Variants in NTMT1 observed in about 807,000 individuals in gnomAD.
NTMT1 encodes N-terminal RCC1 methyltransferase.
Under a neutral mutation model 17.5 loss-of-function variants are expected in NTMT1, and 8 were observed. The ratio of observed to expected loss-of-function variants is 0.46; its 90% CI spans 0.27 to 0.82. NTMT1 has a LOEUF of 0.82. Among genes scored for constraint, NTMT1 ranks in the 40% least tolerant of loss-of-function variants. The pLI is 0.15. For synonymous variants in NTMT1, 128 were observed against 126.8 expected, an observed-to-expected ratio of 1.01 and a Z score of -0.06; for missense variants, 221 against 303.5, an observed-to-expected ratio of 0.73 and a Z score of 2.02.
intron 1 of NTMT1, among the ~76,000 whole-genome samples, chr9:129,619,149 T>G (rs1830544744): frequency 6.6e-6 from 1 of 151,996 alleles, no homozygotes; most frequent in African/African-American, 2.4e-5. Context: ...CATGATAGAT[T>G]AATGGGTGGA....
chr9:129,635,597 T>C lies in NTMT1; in HGVS notation c.*133T>C. 1 of 1,116,664 alleles carries C rather than the reference T, an allele frequency of 9.0e-7. No individual in the cohort carries two copies. 69.2% of individuals were successfully genotyped at this position (1,116,664 alleles called of 1,614,324 possible). A position where few individuals can be genotyped will look rare whatever the true frequency, so the allele number is the denominator to read the frequency against. On this transcript the variant is annotated 3_prime_UTR_variant, in exon 4 of 4. Coordinates refer to ENST00000372483, the MANE Select transcript of NTMT1 (RefSeq NM_014064.4). ...CTAAATATAGCTGTCTGCCGTCCACTCATTATGCGGGCTCTTCTTCAAAAG... is the reference window on the plus strand; with the variant it reads ...CTAAATATAGCTGTCTGCCGTCCACCCATTATGCGGGCTCTTCTTCAAAAG...
Position 129,626,268 on chromosome 9 carries a change from C to T in NTMT1, c.-82C>T, listed in dbSNP as rs1220511946. ...CTCCCTTCCTCTTCCCCATCTTCTT[C>T]TCTCGGTCCCGGGAGCCCCCGCCCG... On this transcript the variant is annotated 5_prime_UTR_variant, in exon 1 of 4. Transcript: ENST00000372483. 1 of 152,248 alleles carries T rather than the reference C, an allele frequency of 6.6e-6. No individual in the cohort carries two copies. Among genetic ancestry groups the T allele is most frequent in the East Asian group, 1.9e-4 (1 of 5,170 alleles). 9.4% of individuals were successfully genotyped at this position (152,248 alleles called of 1,614,324 possible).
intron 2 of NTMT1, chr9:129,633,113 A>C (rs879669392): frequency 5.8e-6 from 3 of 515,252 alleles, no homozygotes; most frequent in African/African-American, 1.9e-5. Context: ...TGAATTGGGC[A>C]AACCTCTCTT....
chr9:129,625,076 T>A (rs1830847020), upstream of NTMT1, among the ~76,000 whole-genome samples: 5 of 152,220 alleles, frequency 3.3e-5, no homozygotes, highest in Admixed American at 6.5e-5. Flanking sequence ...TCTCAGAGCA[T>A]CAGAAGTTGA....
At chr9:129,623,950 C>T (rs1416207194), upstream of NTMT1, among the ~76,000 whole-genome samples, 6 of 151,538 alleles carry the variant, frequency 4.0e-5, no homozygotes, top group East Asian at 1.9e-4. Flanking sequence ...CCCACCACCA[C>T]GCCCGGCTAA....
Position 129,620,703 on chromosome 9 carries a change from C to T in NTMT1, c.-55+11525C>T, listed in dbSNP as rs868287495. 8.5e-6 allele frequency: 7 copies of T among 824,292 alleles called. No individual in the cohort carries two copies. The highest frequency in any genetic ancestry group is 7.1e-5 in the African/African-American group (4 of 56,334). 51.1% of individuals were successfully genotyped at this position (824,292 alleles called of 1,614,324 possible). On this transcript the variant is annotated intron_variant, in intron 1 of 3. Transcript: ENST00000372486. This position sits in a 1 kb window ranked among gnomAD's most constrained non-coding sequence, Gnocchi z 5.8. The stretch of plus-strand genomic sequence containing the variant: ...GCGGGGCAGCGCGGTGCGGGGTGAA[C>T]GCCACCGGCCCGGCGGACAGCGAGT...
chr9:129,621,565 T>C (rs945599670), upstream of NTMT1, among the ~76,000 whole-genome samples: 9 of 152,176 alleles, frequency 5.9e-5, no homozygotes, highest in Non-Finnish European at 1.3e-4. Flanking sequence ...TTTTTTTGTA[T>C]TTATGTTGCA....
At chr9:129,623,774 T>TTA (rs398113918), upstream of NTMT1, among the ~76,000 whole-genome samples, 3 of 151,154 alleles carry the variant, frequency 2.0e-5, no homozygotes, top group Admixed American at 2.0e-4. Flanking sequence ...GTGTCTTTTT[T>TTA]AATGGCTGCG....
rs1009152098 is a variant in NTMT1, at chr9:129,620,264, G to C, written c.-55+11086G>C. ...CCGGGACGCGCCGGCCGACAGCAGG[G>C]GAGGCGGCAGCAGGGACCGCAGCAG... On this transcript the variant is annotated intron_variant, in intron 1 of 3. Transcript: ENST00000372486. This position sits in a 1 kb window ranked among gnomAD's most constrained non-coding sequence, Gnocchi z 5.8. 15 of 1,329,982 alleles carry C rather than the reference G, an allele frequency of 1.1e-5. No individual in the cohort carries two copies. In the African/African-American group the frequency reaches 2.3e-4, roughly 20 times the overall value. 82.4% of individuals were successfully genotyped at this position (1,329,982 alleles called of 1,614,324 possible). A position where few individuals can be genotyped will look rare whatever the true frequency, so the allele number is the denominator to read the frequency against.
chr9:129,635,144 A>C, intron 3 of NTMT1, 64 bp from the exon 4 acceptor site: 1 of 1,557,098 alleles, frequency 6.4e-7, no homozygotes, highest in South Asian at 1.2e-5. Flanking sequence ...TGAGAAGTAC[A>C]TCCCATCCAG....
intron 1 of NTMT1, chr9:129,619,777 G>A (rs1227464775): frequency 6.2e-7 from 1 of 1,614,104 alleles, no homozygotes. Flanking sequence ...GGACACCGCG[G>A]AGACCCTGGG....
Position 129,635,723 on chromosome 9 carries a change from AGGGCTCCT to A in NTMT1, c.*262_*269del, listed in dbSNP as rs1014774460. 7 of 447,936 alleles carry A rather than the reference AGGGCTCCT, an allele frequency of 1.6e-5. No homozygotes were observed. The highest frequency in any genetic ancestry group is 6.0e-5 in the African/African-American group (3 of 50,140). The allele number at this position is 447,936 out of a possible 1,614,324, so 27.7% of individuals were successfully genotyped here. On this transcript the variant is annotated 3_prime_UTR_variant, in exon 4 of 4. Coordinates refer to ENST00000372483, the MANE Select transcript of NTMT1 (RefSeq NM_014064.4). ...GATGGGATTGGGTGGAAGGGGCTCC[AGGGCTCCT>A]GGTGCTCCCCATGTGGGAATAGGGT...
intron 2 of NTMT1, chr9:129,633,273 C>T (rs1831286910): frequency 2.8e-6 from 1 of 353,854 alleles, no homozygotes; most frequent in East Asian, 4.2e-5. Flanking sequence ...TTTTCTGTAC[C>T]AGGCTGGGAC....
At chr9:129,631,658 T>G (rs1468794030) in intron 1 of NTMT1, among the ~76,000 whole-genome samples, 1 of 152,112 alleles carries the variant, frequency 6.6e-6, no homozygotes, top group African/African-American at 2.4e-5. Context: ...ACTGCTAGAG[T>G]TGACTGTGAG....
At chr9:129,627,966 C>CG (rs1338005665) in intron 1 of NTMT1, among the ~76,000 whole-genome samples, 4 of 152,170 alleles carry the variant, frequency 2.6e-5, no homozygotes, top group African/African-American at 9.7e-5. Context: ...AACACCTTGG[C>CG]GGGGAGGAGG....
chr9:129,635,548 C>G lies in NTMT1; in HGVS notation c.*84C>G. 1.3e-6 allele frequency: 2 copies of G among 1,487,002 alleles called. No homozygotes were observed. Among genetic ancestry groups the G allele is most frequent in the Non-Finnish European group, 1.8e-6 (2 of 1,099,714 alleles). 92.1% of individuals were successfully genotyped at this position (1,487,002 alleles called of 1,614,324 possible). A position where few individuals can be genotyped will look rare whatever the true frequency, so the allele number is the denominator to read the frequency against. ...GGGCAAGATCCAGGCGCCACGCTGG[C>G]GGTTCGTGAGTGTCGAGGCACCACT... On this transcript the variant is annotated 3_prime_UTR_variant, in exon 4 of 4. Transcript: ENST00000372483.
chr9:129,610,300 G>GCC (rs578072587), intron 1 of NTMT1, among the ~76,000 whole-genome samples: 14,559 of 120,082 alleles, frequency 0.12, 1,219 homozygotes, highest in East Asian at 0.19. Context: ...TGCAGGCCCC[G>GCC]CCCCCCCCCC....
chr9:129,621,075 G>T (rs765685744), intron 1 of NTMT1, among the ~76,000 whole-genome samples: 1 of 152,242 alleles, frequency 6.6e-6, no homozygotes, highest in African/African-American at 2.4e-5. Context: ...GCCGTGAAAC[G>T]GCATCACCGC....
chr9:129,610,497 C>T (rs1329952867), intron 1 of NTMT1, among the ~76,000 whole-genome samples: 2 of 151,774 alleles, frequency 1.3e-5, no homozygotes, highest in Non-Finnish European at 2.9e-5. Flanking sequence ...GCGGGGGCGG[C>T]GCGTTTCCCC....
Sources: allele counts gnomAD v4.1 joint callset (sites outside exome capture counted in the v4.1 genomes callset), GRCh38; gene constraint gnomAD v4.1.1; non-coding constraint Gnocchi (gnomAD v3.1); transcripts MANE v1.5; gene names NCBI Gene and HGNC (gene_info 2026-07-23, HGNC 2026-07-21).